Variants in OTUD7A observed in about 807,000 individuals in gnomAD.
OTUD7A encodes the protein OTU domain-containing protein 7A.
Under a neutral mutation model 65.7 loss-of-function variants are expected in OTUD7A, and 12 were observed. The ratio of observed to expected loss-of-function variants is 0.18; its 90% CI spans 0.12 to 0.30. The LOEUF is 0.30. Ranked by LOEUF, OTUD7A falls within the 10% of genes least tolerant of loss-of-function variation. OTUD7A has a pLI of 1.00. For missense variants in OTUD7A, 1,148 were observed against 1,304.8 expected (o/e 0.88, Z 1.85); for synonymous variants, 641 against 586.3 (o/e 1.09, Z -1.35).
Position 31,501,782 on chromosome 15 carries a change from C to T in OTUD7A, c.1079G>A (p.Arg360Lys), listed in dbSNP as rs778373603. The change falls in exon 10 of 13, where the codon AGA (arginine) becomes AAA (lysine). Residue 360 changes from arginine to lysine, a missense_variant. Physicochemically the swap from Arg to Lys is conservative, Grantham distance 26 (BLOSUM62 2). This residue lies in a region of OTUD7A where 58 missense variants were observed against 131.4 expected (regional missense o/e 0.44). Transcript: ENST00000307050. ...CAGAACCAGAGGCGAGCAGTGGCAT[C>T]TGTTGGGAGGGACCTCCAAGGGCAG... ...IYLPLEVPPN[R>K]CHCSPLVLAY... The T allele has an allele frequency of 3.7e-6, 6 of 1,614,078 alleles. No individual in the cohort carries two copies.
At chr15:31,728,849 ATGTC>A (rs1471968709) in intron 1 of OTUD7A, among the ~76,000 whole-genome samples, 47 of 152,202 alleles carry the variant, frequency 3.1e-4, no homozygotes, top group African/African-American at 1.1e-3. Context: ...GGGATGGACT[ATGTC>A]TGTCATTCTC....
intron 1 of OTUD7A, among the ~76,000 whole-genome samples, chr15:31,794,565 A>G (rs1029328865): frequency 1.3e-5 from 2 of 152,022 alleles, no homozygotes; most frequent in Admixed American, 6.6e-5. Context: ...CATTCATTCA[A>G]CTAATATTAA....
At chr15:31,798,269 G>A (rs1424747588) in intron 1 of OTUD7A, among the ~76,000 whole-genome samples, 2 of 152,180 alleles carry the variant, frequency 1.3e-5, no homozygotes, top group African/African-American at 4.8e-5. Flanking sequence ...TTCTGAGAGA[G>A]GGTGGCCCCA....
At chr15:31,852,881 A>G (rs1897466477) in intron 1 of OTUD7A, among the ~76,000 whole-genome samples, 1 of 152,260 alleles carries the variant, frequency 6.6e-6, no homozygotes, top group South Asian at 2.1e-4. Context: ...GGTTATACTG[A>G]TGAATACCCA....
intron 1 of OTUD7A, among the ~76,000 whole-genome samples, chr15:31,796,192 CTAT>C (rs1895952613): frequency 5.4e-4 from 1 of 1,864 alleles, no homozygotes; most frequent in African/African-American, 6.2e-4. Context: ...TATGCATTAT[CTAT>C]CTATCTATCT....
chr15:31,602,410 C>T (rs1890104909), intron 3 of OTUD7A, among the ~76,000 whole-genome samples: 2 of 152,154 alleles, frequency 1.3e-5, no homozygotes, highest in African/African-American at 4.8e-5. Flanking sequence ...AACACCCCTT[C>T]ATGGTAAAAA....
At chr15:31,663,754 G>A (rs999150375) in intron 1 of OTUD7A, among the ~76,000 whole-genome samples, 1 of 151,986 alleles carries the variant, frequency 6.6e-6, no homozygotes, top group Non-Finnish European at 1.5e-5. Context: ...CGATTTTTGA[G>A]ATTTTGGTGC....
At chr15:31,658,641 A>G (rs1008560416) in intron 1 of OTUD7A, among the ~76,000 whole-genome samples, 7 of 152,174 alleles carry the variant, frequency 4.6e-5, no homozygotes, top group Non-Finnish European at 8.8e-5. Flanking sequence ...GAAGACACTT[A>G]GTGGAGGAAG....
intron 8 of OTUD7A, among the ~76,000 whole-genome samples, chr15:31,514,452 TTCTC>T (rs1566895618): frequency 6.6e-6 from 1 of 152,146 alleles, no homozygotes; most frequent in Non-Finnish European, 1.5e-5. Flanking sequence ...ATTTTCATCT[TTCTC>T]TCCCTCTCCA....
intron 3 of OTUD7A, among the ~76,000 whole-genome samples, chr15:31,634,598 T>C (rs1331640743): frequency 6.6e-6 from 1 of 152,226 alleles, no homozygotes; most frequent in Non-Finnish European, 1.5e-5. Flanking sequence ...GTTCCCTCCT[T>C]ATCCCTCAAG....
At chr15:31,724,123 T>C (rs1194717656) in intron 1 of OTUD7A, among the ~76,000 whole-genome samples, 3 of 151,984 alleles carry the variant, frequency 2.0e-5, no homozygotes, top group Non-Finnish European at 4.4e-5. Flanking sequence ...TAATTTTACT[T>C]GCTCATTTTT....
At chr15:31,629,772 TC>T (rs1232309938) in intron 3 of OTUD7A, among the ~76,000 whole-genome samples, 6 of 152,176 alleles carry the variant, frequency 3.9e-5, no homozygotes, top group Non-Finnish European at 7.3e-5. Flanking sequence ...ATTTCAGAGC[TC>T]GTTATTGGTC....
Position 31,852,219 on chromosome 15 carries a change from C to A in OTUD7A, c.-100+18288G>T, listed in dbSNP as rs533214295. 5.9e-5 allele frequency among the ~76,000 whole-genome samples: 9 copies of A among 152,332 alleles called. No individual in the cohort carries two copies. The South Asian group carries it at 1.7e-3, about 28-fold the overall frequency. ...CAATTGAAGACAGTAAGTGTGGGTGCCCTCTCCCTTTCACACCACTTGCTG... is the reference window on the plus strand; with the variant it reads ...CAATTGAAGACAGTAAGTGTGGGTGACCTCTCCCTTTCACACCACTTGCTG... On this transcript the variant is annotated intron_variant, in intron 1 of 12. Transcript: ENST00000307050.
chr15:31,779,557 TAGA>T (rs1895481684), intron 1 of OTUD7A, among the ~76,000 whole-genome samples: 1 of 152,154 alleles, frequency 6.6e-6, no homozygotes, highest in South Asian at 2.1e-4. Context: ...AAGAAGCAGG[TAGA>T]AGAAGAAATC....
At chr15:31,564,264 C>T (rs1165432853) in intron 4 of OTUD7A, among the ~76,000 whole-genome samples, 1 of 151,972 alleles carries the variant, frequency 6.6e-6, no homozygotes, top group South Asian at 2.1e-4. Context: ...AAAATAATTT[C>T]AATCTAGAGT....
At chr15:31,862,229 A>G (rs1422934045) in intron 1 of OTUD7A, among the ~76,000 whole-genome samples, 1 of 152,178 alleles carries the variant, frequency 6.6e-6, no homozygotes, top group African/African-American at 2.4e-5. Context: ...ATCCCCAAGG[A>G]TAAGGAAGTA....
rs954695198 is a variant in OTUD7A at position 31,839,595 on chromosome 15, G to A, written c.-100+30912C>T. ...CCACTCAGCACCTGCACAGAAGCACGTGTGAGAGCCCTGCTCTCCTCTTCT... is the reference window on the plus strand; with the variant it reads ...CCACTCAGCACCTGCACAGAAGCACATGTGAGAGCCCTGCTCTCCTCTTCT... On this transcript the variant is annotated intron_variant, in intron 1 of 12. Coordinates refer to ENST00000307050, the MANE Select transcript of OTUD7A (RefSeq NM_001382637.1). 2.0e-5 allele frequency among the ~76,000 whole-genome samples: 3 copies of A among 152,330 alleles called. 1 individual carries two copies.
chr15:31,725,846 T>C (rs1595729333), intron 1 of OTUD7A, among the ~76,000 whole-genome samples: 2 of 152,162 alleles, frequency 1.3e-5, no homozygotes, highest in Admixed American at 1.3e-4. Context: ...GAGAATGGCA[T>C]GTAGCAAGCC....
intron 8 of OTUD7A, 65 bp downstream of exon 8, chr15:31,526,284 T>G: frequency 1.4e-6 from 2 of 1,413,986 alleles, no homozygotes; most frequent in East Asian, 2.6e-5. Context: ...CCCCCCATGC[T>G]GTGTGTAGCC....
Sources: gnomAD v4.1 joint callset for allele counts (sites outside exome capture counted in the v4.1 genomes callset) on GRCh38, gnomAD v4.1.1 for gene constraint, gnomAD v4.1.1 regional missense constraint, MANE v1.5 for transcripts, NCBI Gene and HGNC (gene_info 2026-07-23, HGNC 2026-07-21) for gene names.